The following SMIM15 variants were observed in gnomAD, a reference collection of about 807,000 sequenced individuals.
The protein encoded by SMIM15 is UPF0542 protein C5orf43.
Under a neutral mutation model 6.8 loss-of-function variants are expected in SMIM15, and 5 were observed. That is an observed-to-expected ratio of 0.74 (90% CI 0.39 to 1.56). SMIM15 has a LOEUF of 1.56. Among genes scored for constraint, SMIM15 ranks in the 40% most tolerant of loss-of-function variants. SMIM15 has a pLI of 0.03. For synonymous variants in SMIM15, 30 were observed against 30.8 expected (o/e 0.97, Z 0.09); for missense variants, 81 against 84.8 (o/e 0.96, Z 0.18).
Position 61,159,838 on chromosome 5 carries a change from T to A in SMIM15, c.*109A>T. 8.1e-7 allele frequency: 1 copy of A among 1,228,136 alleles called. No homozygotes were observed. 76.1% of individuals were successfully genotyped at this position (1,228,136 alleles called of 1,614,324 possible). A position where few individuals can be genotyped will look rare whatever the true frequency, so the allele number is the denominator to read the frequency against. On this transcript the variant is annotated 3_prime_UTR_variant, in exon 3 of 3. Transcript: ENST00000339020. ...TTCTTCCATTTGGTCAAATTTCATT[T>A]ACTAAATCATACTGTCAAGAAATCC...
chr5:61,160,318 A>T, intron 2 of SMIM15, 119 bp from the exon 3 acceptor site: 2 of 722,398 alleles, frequency 2.8e-6, no homozygotes, highest in Non-Finnish European at 4.5e-6. Context: ...ATTATCACTC[A>T]GTTTGCTTTT....
intron 1 of SMIM15, among the ~76,000 whole-genome samples, chr5:61,161,667 C>A (rs1250332258): frequency 2.0e-5 from 3 of 152,172 alleles, no homozygotes; most frequent in Admixed American, 2.0e-4. Context: ...GTCCATCATA[C>A]AATTTGTGTC....
In SMIM15 at chr5:61,160,143, T is replaced by C; in HGVS notation, c.29A>G (p.Tyr10Cys). Residue 10 changes from tyrosine to cysteine, a missense_variant, in exon 3 of 3, where the codon TAT becomes TGT. Transcript: ENST00000339020. MFDIKAWAE[Y>C]VVEWAAKDPY... ...GTCCTTTGCAGCCCATTCCACAACATACTCAGCCCAAGCCTTTATATCAAA... is the reference window on the plus strand; with the variant it reads ...GTCCTTTGCAGCCCATTCCACAACACACTCAGCCCAAGCCTTTATATCAAA... 1.2e-6 allele frequency: 2 copies of C among 1,614,092 alleles called. No individual in the cohort carries two copies. Among genetic ancestry groups the C allele is most frequent in the East Asian group, 4.5e-5 (2 of 44,874 alleles).
chr5:61,161,958 CTT>C (rs1741425865), intron 1 of SMIM15: 1 of 152,220 alleles, frequency 6.6e-6, no homozygotes, highest in Admixed American at 6.5e-5. Flanking sequence ...AGCAAAAGAA[CTT>C]TGCAGTAAAA....
rs1329051045 is a variant in SMIM15 at position 61,158,130 on chromosome 5, CTAAT to C, written c.*1813_*1816del. ...AATACAAAACTGGCATGTGTTAAGA[CTAAT>C]AAATTATAGAAAAACAGACCTTTAA... On this transcript the variant is annotated 3_prime_UTR_variant, in exon 3 of 3. Transcript: ENST00000339020. 6.6e-6 allele frequency: 1 copy of C among 151,718 alleles called. No homozygotes were observed. Among genetic ancestry groups the C allele is most frequent in the Non-Finnish European group, 1.5e-5 (1 of 67,968 alleles). 9.4% of individuals were successfully genotyped at this position (151,718 alleles called of 1,614,324 possible).
intron 1 of SMIM15, among the ~76,000 whole-genome samples, chr5:61,161,648 T>G (rs1741418250): frequency 6.6e-6 from 1 of 152,068 alleles, no homozygotes; most frequent in Non-Finnish European, 1.5e-5. Context: ...TTTATAAAGG[T>G]TTTTTTGGGT....
At chr5:61,161,024 G>C (rs1386656394) in intron 2 of SMIM15, 64 bp downstream of exon 2, 2 of 152,162 alleles carry the variant, frequency 1.3e-5, no homozygotes, top group Non-Finnish European at 2.9e-5. Context: ...TACCTGGGTA[G>C]GGAATGAGTG....
At position 61,162,043 on chromosome 5, in the gene SMIM15, T is replaced by A. The variant is rs1248374088; in HGVS notation, c.-169+174A>T. On this transcript the variant is annotated intron_variant, in intron 1 of 2. Coordinates refer to ENST00000339020, the MANE Select transcript of SMIM15 (RefSeq NM_001048249.4). The surrounding 1 kb of genome is among the most constrained non-coding windows in gnomAD (Gnocchi z 4.4). Reference sequence around the variant, plus strand: ...CCCAAACGCTCGCGCCTCCACACTTTCAGGAATAAATCCTACTCTTCCGCC... The same window carrying A: ...CCCAAACGCTCGCGCCTCCACACTTACAGGAATAAATCCTACTCTTCCGCC... The A allele has an allele frequency of 6.6e-6, 1 of 152,338 alleles. No individual in the cohort carries two copies. The highest frequency in any genetic ancestry group is 1.5e-5 in the Non-Finnish European group (1 of 68,140). 9.4% of individuals were successfully genotyped at this position (152,338 alleles called of 1,614,324 possible).
Position 61,160,055 on chromosome 5 carries a change from T to C in SMIM15, c.117A>G (p.Val39=). 1 of 1,614,178 alleles carries C rather than the reference T, an allele frequency of 6.2e-7. No individual in the cohort carries two copies. The highest frequency in any genetic ancestry group is 8.5e-7 in the Non-Finnish European group (1 of 1,180,022). Residue 39 remains valine, a synonymous_variant, in exon 3 of 3, where the codon GTA becomes GTG. Coordinates refer to ENST00000339020, the MANE Select transcript of SMIM15 (RefSeq NM_001048249.4). ...ALTPLFLASA[V]LSWKLAKMIE... ...TCATCTTGGCCAATTTCCAAGACAG[T>C]ACAGCACTTGCTAGGAACAGTGGAG...
At position 61,157,990 on chromosome 5, in the gene SMIM15, T is replaced by TAAACACAC. The variant is rs1741351422; in HGVS notation, c.*1956_*1957insGTGTGTTT. 7.2e-6 allele frequency: 1 copy of TAAACACAC among 139,502 alleles called. No homozygotes were observed. Among genetic ancestry groups the TAAACACAC allele is most frequent in the South Asian group, 2.5e-4 (1 of 4,080 alleles). 8.6% of individuals were successfully genotyped at this position (139,502 alleles called of 1,614,324 possible). A position where few individuals can be genotyped will look rare whatever the true frequency, so the allele number is the denominator to read the frequency against. On this transcript the variant is annotated 3_prime_UTR_variant, in exon 3 of 3. Transcript: ENST00000339020. ...CAATATTCTCTATACTCCAGCCCCT[T>TAAACACAC]ACACACACACACACACACACACACA...
rs1337801342 is a variant in SMIM15 at position 61,162,238 on chromosome 5, C to T, written c.-190G>A. The stretch of plus-strand genomic sequence containing the variant: ...TTACCCTATCGGGGCTGCAGACCCA[C>T]GGAGGCCACGTTCACTCCTGCCCGT... On this transcript the variant is annotated 5_prime_UTR_variant, in exon 1 of 3. In the 5' UTR this introduces an upstream ATG that the reference lacks. Transcript: ENST00000339020. This position sits in a 1 kb window ranked among gnomAD's most constrained non-coding sequence, Gnocchi z 4.4. 1 of 152,578 alleles carries T rather than the reference C, an allele frequency of 6.6e-6. No individual in the cohort carries two copies. Among genetic ancestry groups the T allele is most frequent in the African/African-American group, 2.4e-5 (1 of 41,476 alleles). 9.5% of individuals were successfully genotyped at this position (152,578 alleles called of 1,614,324 possible). A position where few individuals can be genotyped will look rare whatever the true frequency, so the allele number is the denominator to read the frequency against.
rs983571203 is a variant in SMIM15, at chr5:61,159,025, A to T, written c.*922T>A. The stretch of plus-strand genomic sequence containing the variant: ...TAACGTTTTACTTTGAACCTGTTTG[A>T]TCAGAAAGTATTAAATATCACTACC... On this transcript the variant is annotated 3_prime_UTR_variant, in exon 3 of 3. Transcript: ENST00000339020. The T allele has an allele frequency of 1.2e-4, 19 of 152,218 alleles. No homozygotes were observed. Among genetic ancestry groups the T allele is most frequent in the Non-Finnish European group, 2.5e-4 (17 of 68,032 alleles). 9.4% of individuals were successfully genotyped at this position (152,218 alleles called of 1,614,324 possible).
rs1226530031 is a variant in SMIM15, at chr5:61,158,519, T to G, written c.*1428A>C. ...CTGAAATTTTACAAGTATGCTTAGC[T>G]GTAACTGAAATTCTAACTTGCATAA... On this transcript the variant is annotated 3_prime_UTR_variant, in exon 3 of 3. Transcript: ENST00000339020. 1 of 151,518 alleles carries G rather than the reference T, an allele frequency of 6.6e-6. No individual in the cohort carries two copies. Among genetic ancestry groups the G allele is most frequent in the Admixed American group, 6.6e-5 (1 of 15,206 alleles). 9.4% of individuals were successfully genotyped at this position (151,518 alleles called of 1,614,324 possible).
intron 2 of SMIM15, among the ~76,000 whole-genome samples, chr5:61,160,451 A>G (rs1741394127): frequency 6.6e-6 from 1 of 152,228 alleles, no homozygotes; most frequent in African/African-American, 2.4e-5. Flanking sequence ...AAGATTTAAA[A>G]AAGCCATGTG....
intron 2 of SMIM15, among the ~76,000 whole-genome samples, chr5:61,160,733 G>C (rs1741399460): frequency 6.6e-6 from 1 of 152,202 alleles, no homozygotes; most frequent in South Asian, 2.1e-4. Context: ...GAAGGAGAGG[G>C]TAAGGGAGTC....
In SMIM15 at chr5:61,159,712, C is replaced by A; in HGVS notation, c.*235G>T. 1 of 530,236 alleles carries A rather than the reference C, an allele frequency of 1.9e-6. No individual in the cohort carries two copies. Among genetic ancestry groups the A allele is most frequent in the Non-Finnish European group, 3.3e-6 (1 of 299,410 alleles). 32.8% of individuals were successfully genotyped at this position (530,236 alleles called of 1,614,324 possible). A position where few individuals can be genotyped will look rare whatever the true frequency, so the allele number is the denominator to read the frequency against. ...CTAAGTCAGTTATAAAGAATTTGTACCACAGTAAATGCTAATTTACAATAA... is the reference window on the plus strand; with the variant it reads ...CTAAGTCAGTTATAAAGAATTTGTAACACAGTAAATGCTAATTTACAATAA... On this transcript the variant is annotated 3_prime_UTR_variant, in exon 3 of 3. Coordinates refer to ENST00000339020, the MANE Select transcript of SMIM15 (RefSeq NM_001048249.4).
At position 61,162,427 on chromosome 5, in the gene SMIM15, G is replaced by C. The variant is rs1741438279; in HGVS notation, c.-379C>G. On this transcript the variant is annotated 5_prime_UTR_variant, in exon 1 of 3. In the 5' UTR this introduces an upstream ATG that the reference lacks. Coordinates refer to ENST00000339020, the MANE Select transcript of SMIM15 (RefSeq NM_001048249.4). The surrounding 1 kb of genome is among the most constrained non-coding windows in gnomAD (Gnocchi z 4.4). ...TCCCCTACATAGCCCCACGGGATCG[G>C]ATCCCACTCCCCACTCACCGCCAGA... is the stretch of plus-strand genomic sequence containing the variant. 1 of 152,362 alleles carries C rather than the reference G, an allele frequency of 6.6e-6. No individual in the cohort carries two copies. Among genetic ancestry groups the C allele is most frequent in the African/African-American group, 2.4e-5 (1 of 41,466 alleles). The allele number at this position is 152,362 out of a possible 1,614,324, so 9.4% of individuals were successfully genotyped here. A position where few individuals can be genotyped will look rare whatever the true frequency, so the allele number is the denominator to read the frequency against.
rs760929737 is a variant in SMIM15, at chr5:61,160,206, G to C, written c.-28-7C>G. On this transcript the variant is annotated splice_region_variant and splice_polypyrimidine_tract_variant and intron_variant, in intron 2 of 2. Coordinates refer to ENST00000339020, the MANE Select transcript of SMIM15 (RefSeq NM_001048249.4). Reference sequence around the variant, plus strand: ...AGTCTTATGAAAACTGGGGCTGGGGGAGGCGGGTGGAGAACACAGAGGAAA... The same window carrying C: ...AGTCTTATGAAAACTGGGGCTGGGGCAGGCGGGTGGAGAACACAGAGGAAA... 6.3e-7 allele frequency: 1 copy of C among 1,590,830 alleles called. No homozygotes were observed. Among genetic ancestry groups the C allele is most frequent in the Non-Finnish European group, 8.6e-7 (1 of 1,165,698 alleles).
Position 61,160,228 on chromosome 5 carries a change from G to A in SMIM15, c.-28-29C>T. On this transcript the variant is annotated intron_variant, in intron 2 of 2. Transcript: ENST00000339020. ...GGGGAGGCGGGTGGAGAACACAGAG[G>A]AAAAAAACAGGAGAAAAGACTATGT... is the stretch of plus-strand genomic sequence containing the variant. The A allele has an allele frequency of 2.2e-5, 33 of 1,501,456 alleles. No homozygotes were observed. The Admixed American group carries it at 2.9e-4, about 13-fold the overall frequency. The allele number at this position is 1,501,456 out of a possible 1,614,324, so 93.0% of individuals were successfully genotyped here.
Sources: allele counts gnomAD v4.1 joint callset (sites outside exome capture counted in the v4.1 genomes callset), GRCh38; gene constraint gnomAD v4.1.1; non-coding constraint Gnocchi (gnomAD v3.1); transcripts MANE v1.5; gene names NCBI Gene and HGNC (gene_info 2026-07-23, HGNC 2026-07-21).